The following JAKMIP1 variants were observed in gnomAD, a reference collection of about 807,000 sequenced individuals.
JAKMIP1 encodes the protein janus kinase and microtubule interacting protein 1.
In JAKMIP1, 33 loss-of-function variants were observed where a neutral mutation model predicts 113.0. The observed-to-expected ratio is 0.29, with a 90% CI of 0.22 to 0.39. JAKMIP1 has a LOEUF of 0.39. Among genes scored for constraint, JAKMIP1 ranks in the 10% least tolerant of loss-of-function variants. The pLI is 1.00. For synonymous variants in JAKMIP1, 480 were observed against 459.9 expected (o/e 1.04, Z -0.56); for missense variants, 813 against 1,080.5 (o/e 0.75, Z 3.47).
rs560022598 is a variant in JAKMIP1, at chr4:6,168,799, C to G, written c.-148+31454G>C. 6.6e-6 allele frequency among the ~76,000 whole-genome samples: 1 copy of G among 151,974 alleles called. No individual in the cohort carries two copies. Among genetic ancestry groups the G allele is most frequent in the Non-Finnish European group, 1.5e-5 (1 of 67,966 alleles). ...CCTGTGGTCCCAGCTACTTGGGAGG[C>G]TGATGTGGGAGAATCACTTGAGCCT... On this transcript the variant is annotated intron_variant, in intron 1 of 20. Coordinates refer to ENST00000409021, the MANE Select transcript of JAKMIP1 (RefSeq NM_001099433.2). The surrounding 1 kb of genome is among the most constrained non-coding windows in gnomAD (Gnocchi z 4.6).
intron 8 of JAKMIP1, among the ~76,000 whole-genome samples, chr4:6,066,955 C>G (rs78379585): frequency 0.011 from 1,687 of 152,270 alleles, 26 homozygotes; most frequent in Middle Eastern, 0.031. Flanking sequence ...GACGCTCTTC[C>G]CCAGAATCCA....
Position 6,085,104 on chromosome 4 carries a change from T to G in JAKMIP1, c.835-139A>C, listed in dbSNP as rs2108830674. 4.5e-6 allele frequency: 5 copies of G among 1,110,704 alleles called. No homozygotes were observed. The African/African-American group carries it at 6.5e-5, about 14-fold the overall frequency. 68.8% of individuals were successfully genotyped at this position (1,110,704 alleles called of 1,614,324 possible). A position where few individuals can be genotyped will look rare whatever the true frequency, so the allele number is the denominator to read the frequency against. Reference sequence around the variant, plus strand: ...GGGGCCCACATGCCACACAGCAAGGTGGGGAACACCCAAGCCCACTGCACA... The same window carrying G: ...GGGGCCCACATGCCACACAGCAAGGGGGGGAACACCCAAGCCCACTGCACA... On this transcript the variant is annotated intron_variant, in intron 4 of 20. Coordinates refer to ENST00000409021, the MANE Select transcript of JAKMIP1 (RefSeq NM_001099433.2).
rs1715599300 is a variant in JAKMIP1, at chr4:6,051,077, C to T, written c.1807-398G>A. Among the ~76,000 whole-genome samples, 1 of 152,242 alleles carries T rather than the reference C, an allele frequency of 6.6e-6. No homozygotes were observed. Among genetic ancestry groups the T allele is most frequent in the African/African-American group, 2.4e-5 (1 of 41,474 alleles). On this transcript the variant is annotated intron_variant, in intron 13 of 20. Coordinates refer to ENST00000409021, the MANE Select transcript of JAKMIP1 (RefSeq NM_001099433.2). The surrounding 1 kb of genome is among the most constrained non-coding windows in gnomAD (Gnocchi z 5.0). ...CAGGCACACCACTCTCCCGTCTAAT[C>T]CTCACACTACCCCAGGAGGCAGGCT...
At chr4:6,121,678 T>C (rs1716741223) in intron 1 of JAKMIP1, among the ~76,000 whole-genome samples, 1 of 152,232 alleles carries the variant, frequency 6.6e-6, no homozygotes, top group East Asian at 1.9e-4. Flanking sequence ...ACTCCAGTGA[T>C]CGCAGCGCGG....
chr4:6,085,687 TC>T, intron 3 of JAKMIP1, 58 bp from the exon 4 acceptor site: 1 of 1,527,368 alleles, frequency 6.5e-7, no homozygotes, highest in Non-Finnish European at 9.0e-7. Context: ...AGGAAATCTC[TC>T]CCCAAATTGG....
At chr4:6,073,107 C>G (rs552864395) in intron 8 of JAKMIP1, among the ~76,000 whole-genome samples, 1 of 150,288 alleles carries the variant, frequency 6.7e-6, no homozygotes, top group African/African-American at 2.4e-5. Flanking sequence ...AGTGCTTGAG[C>G]TTCCTAGGCA....
In JAKMIP1 at chr4:6,050,677, C is replaced by T; in HGVS notation, c.1809G>A (p.Glu603=). ...LLEFRVLELE[E]RERRSPAFNL... is the part of the protein sequence containing the mutation. ...TAAATGCTGGCGACCTCCTCTCTCT[C>T]TCCTGGGGAAAAGATTCGGTTTAAA... Residue 603 remains glutamate, a splice_region_variant and synonymous_variant, in exon 14 of 21, where the codon GAG becomes GAA. Coordinates refer to ENST00000409021, the MANE Select transcript of JAKMIP1 (RefSeq NM_001099433.2). The surrounding 1 kb of genome is among the most constrained non-coding windows in gnomAD (Gnocchi z 7.4). The T allele has an allele frequency of 1.3e-6, 2 of 1,557,180 alleles. No individual in the cohort carries two copies. Among genetic ancestry groups the T allele is most frequent in the Non-Finnish European group, 1.7e-6 (2 of 1,149,310 alleles).
chr4:6,029,871 G>A (rs760766092), intron 19 of JAKMIP1, 90 bp from the exon 20 acceptor site: 28 of 908,898 alleles, frequency 3.1e-5, no homozygotes, highest in Admixed American at 6.0e-5. Flanking sequence ...TAGCACAGAA[G>A]CTGTAAAGGA....
At position 6,158,284 on chromosome 4, in the gene JAKMIP1, T is replaced by G. The variant is rs1722497472; in HGVS notation, c.-148+41969A>C. On this transcript the variant is annotated intron_variant, in intron 1 of 20. Coordinates refer to ENST00000409021, the MANE Select transcript of JAKMIP1 (RefSeq NM_001099433.2). This position sits in a 1 kb window ranked among gnomAD's most constrained non-coding sequence, Gnocchi z 5.3. ...GGTCACAAGCTCAGCTATGAAGCACTTGAAAGCCCAGAACCTAACATCATA... is the reference window on the plus strand; with the variant it reads ...GGTCACAAGCTCAGCTATGAAGCACGTGAAAGCCCAGAACCTAACATCATA... Among the ~76,000 whole-genome samples, 1 of 152,170 alleles carries G rather than the reference T, an allele frequency of 6.6e-6. No individual in the cohort carries two copies. The highest frequency in any genetic ancestry group is 6.5e-5 in the Admixed American group (1 of 15,278).
rs1560259968 is a variant in JAKMIP1, at chr4:6,139,905, C to T, written c.-147-26908G>A. 1.3e-5 allele frequency among the ~76,000 whole-genome samples: 2 copies of T among 152,234 alleles called. No individual in the cohort carries two copies. The highest frequency in any genetic ancestry group is 2.1e-4 in the South Asian group (1 of 4,824). ...TCCACGAGCCAAGGAATACCAAGGA[C>T]TGCCACCAAAGCACAGGAAGCCAGG... is the stretch of plus-strand genomic sequence containing the variant. On this transcript the variant is annotated intron_variant, in intron 1 of 20. Coordinates refer to ENST00000409021, the MANE Select transcript of JAKMIP1 (RefSeq NM_001099433.2). This position sits in a 1 kb window ranked among gnomAD's most constrained non-coding sequence, Gnocchi z 5.2.
rs1026152134 is a variant in JAKMIP1, at chr4:6,157,957, G to A, written c.-148+42296C>T. The stretch of plus-strand genomic sequence containing the variant: ...CTGATGCAACAGCTTTCTTTCTATG[G>A]ATCACTTCATTCTCCCAAAGAACAC... On this transcript the variant is annotated intron_variant, in intron 1 of 20. Coordinates refer to ENST00000409021, the MANE Select transcript of JAKMIP1 (RefSeq NM_001099433.2). This position sits in a 1 kb window ranked among gnomAD's most constrained non-coding sequence, Gnocchi z 4.7. 2.0e-5 allele frequency among the ~76,000 whole-genome samples: 3 copies of A among 152,132 alleles called. No homozygotes were observed.
At chr4:6,165,038 T>C (rs533763087) in intron 1 of JAKMIP1, among the ~76,000 whole-genome samples, 1 of 152,344 alleles carries the variant, frequency 6.6e-6, no homozygotes, top group African/African-American at 2.4e-5. Context: ...TGAAAGAAGT[T>C]CTACTGTGGG....
Position 6,129,754 on chromosome 4 carries a change from G to T in JAKMIP1, c.-147-16757C>A, listed in dbSNP as rs746893568. On this transcript the variant is annotated intron_variant, in intron 1 of 20. Transcript: ENST00000409021. This position sits in a 1 kb window ranked among gnomAD's most constrained non-coding sequence, Gnocchi z 5.4. ...GATTTCTCCATGAAGCACAACTCCCGCCCCTAGAAAAGTATTCTGAGGTCA... is the reference window on the plus strand; with the variant it reads ...GATTTCTCCATGAAGCACAACTCCCTCCCCTAGAAAAGTATTCTGAGGTCA... 2.0e-5 allele frequency among the ~76,000 whole-genome samples: 3 copies of T among 152,084 alleles called. No homozygotes were observed. The highest frequency in any genetic ancestry group is 3.9e-4 in the East Asian group (2 of 5,194).
In JAKMIP1 at chr4:6,067,080, G is replaced by A. The variant is rs1718207765; in HGVS notation, c.1303-2072C>T. Among the ~76,000 whole-genome samples, 1 of 152,102 alleles carries A rather than the reference G, an allele frequency of 6.6e-6. No homozygotes were observed. The highest frequency in any genetic ancestry group is 2.4e-5 in the African/African-American group (1 of 41,408). On this transcript the variant is annotated intron_variant, in intron 8 of 20. Coordinates refer to ENST00000409021, the MANE Select transcript of JAKMIP1 (RefSeq NM_001099433.2). This position sits in a 1 kb window ranked among gnomAD's most constrained non-coding sequence, Gnocchi z 4.6. ...TGCTTCACCCCCGCCCCAGCCTCTG[G>A]GGCCTCCTTCTTTATTCCTTTCCAT...
intron 3 of JAKMIP1, among the ~76,000 whole-genome samples, chr4:6,101,761 C>A (rs1397786513): frequency 1.4e-5 from 2 of 146,106 alleles, no homozygotes; most frequent in Non-Finnish European, 1.5e-5. Flanking sequence ...AAAAAATTAG[C>A]CGGGCATGGT....
rs143977513 is a variant in JAKMIP1, at chr4:6,093,706, G to A, written c.625-8077C>T. ...GAATGATGTCCACCTGTACAGGGAG[G>A]TGTGGCTGCCGTGCCCTGAAAAGTA... On this transcript the variant is annotated intron_variant, in intron 3 of 20. Coordinates refer to ENST00000409021, the MANE Select transcript of JAKMIP1 (RefSeq NM_001099433.2). This position sits in a 1 kb window ranked among gnomAD's most constrained non-coding sequence, Gnocchi z 4.6. 1.9e-3 allele frequency among the ~76,000 whole-genome samples: 286 copies of A among 152,262 alleles called. 2 individuals carry two copies. The highest frequency in any genetic ancestry group is 6.6e-3 in the African/African-American group (274 of 41,540).
chr4:6,080,352 C>G lies in JAKMIP1; in HGVS notation c.1102-40G>C. 6.2e-7 allele frequency: 1 copy of G among 1,604,648 alleles called. No homozygotes were observed. Among genetic ancestry groups the G allele is most frequent in the South Asian group, 1.1e-5 (1 of 89,158 alleles). ...AGACAGACCACCACAGGGTTACCCG[C>G]CAACAGTGTTTGTTAGGGACAGTGC... On this transcript the variant is annotated intron_variant, in intron 6 of 20. Transcript: ENST00000409021. The surrounding 1 kb of genome is among the most constrained non-coding windows in gnomAD (Gnocchi z 6.0).
intron 1 of JAKMIP1, among the ~76,000 whole-genome samples, chr4:6,165,621 G>A (rs1723530187): frequency 6.6e-6 from 1 of 152,158 alleles, no homozygotes; most frequent in South Asian, 2.1e-4. Flanking sequence ...TTTAAATTAA[G>A]GTATGTACAT....
intron 13 of JAKMIP1, chr4:6,053,773 T>C: frequency 8.1e-7 from 1 of 1,238,870 alleles, no homozygotes; most frequent in Non-Finnish European, 1.0e-6. Flanking sequence ...AAACAAATTA[T>C]TTTATTAAGT....
Sources: gnomAD v4.1 joint callset for allele counts (sites outside exome capture counted in the v4.1 genomes callset) on GRCh38, gnomAD v4.1.1 for gene constraint, Gnocchi (gnomAD v3.1) non-coding constraint, MANE v1.5 for transcripts, NCBI Gene and HGNC (gene_info 2026-07-23, HGNC 2026-07-21) for gene names.